The following DENND1A variants were observed in gnomAD, a reference collection of about 807,000 sequenced individuals.
DENND1A encodes DENN domain containing 1A.
In DENND1A, 51 loss-of-function variants were observed where a neutral mutation model predicts 113.7. That is an observed-to-expected ratio of 0.45 (90% CI 0.36 to 0.57). The LOEUF (loss-of-function observed/expected upper bound fraction) is 0.57. Ranked by LOEUF, DENND1A falls within the 20% of genes least tolerant of loss-of-function variation. The pLI is 0.00. For synonymous variants in DENND1A, 565 were observed against 570.8 expected, an observed-to-expected ratio of 0.99 and a Z score of 0.14; for missense variants, 1,258 against 1,395.9, an observed-to-expected ratio of 0.90 and a Z score of 1.57.
chr9:123,722,531 A>T (rs1041857854), intron 5 of DENND1A, among the ~76,000 whole-genome samples: 1 of 152,156 alleles, frequency 6.6e-6, no homozygotes, highest in Non-Finnish European at 1.5e-5. Flanking sequence ...TTAGGAGGAA[A>T]AAATGGTTTC....
intron 9 of DENND1A, among the ~76,000 whole-genome samples, chr9:123,637,943 ACACACACG>A (rs1379282000): frequency 1.1e-4 from 4 of 35,686 alleles, no homozygotes; most frequent in Non-Finnish European, 1.1e-4. Flanking sequence ...GCACACACAC[ACACACACG>A]CGCACACACA....
intron 8 of DENND1A, among the ~76,000 whole-genome samples, 196 bp downstream of exon 8, chr9:123,666,830 C>G (rs528951981): frequency 6.6e-6 from 1 of 152,266 alleles, no homozygotes; most frequent in South Asian, 2.1e-4. Flanking sequence ...ACTTTCTATA[C>G]TTTGCAAATA....
intron 1 of DENND1A, among the ~76,000 whole-genome samples, chr9:123,900,406 T>C (rs1851423371): frequency 6.6e-6 from 1 of 152,124 alleles, no homozygotes; most frequent in Non-Finnish European, 1.5e-5. Flanking sequence ...CCACACACTA[T>C]GAGAAAGACA....
intron 6 of DENND1A, among the ~76,000 whole-genome samples, chr9:123,672,887 T>C (rs1485555805): frequency 6.6e-6 from 1 of 152,248 alleles, no homozygotes; most frequent in Non-Finnish European, 1.5e-5. Flanking sequence ...AAATTAACAC[T>C]GATGCAGAAT....
intron 5 of DENND1A, among the ~76,000 whole-genome samples, chr9:123,742,276 A>G (rs1164374610): frequency 6.6e-6 from 1 of 152,050 alleles, no homozygotes; most frequent in Non-Finnish European, 1.5e-5. Context: ...GGAGCTGGCA[A>G]CTTTCACTGA....
chr9:123,413,616 CCTGGCGGCACATGGAGAACA>C, intron 19 of DENND1A: 1 of 985,478 alleles, frequency 1.0e-6, no homozygotes, highest in Non-Finnish European at 1.2e-6. Context: ...TGGAGGGTTC[CCTGGCGGCACATGGAGAACA>C]CGATGGGATA....
chr9:123,698,771 T>C lies in DENND1A; in HGVS notation c.303-21982A>G, dbSNP rs1322402052. On this transcript the variant is annotated intron_variant, in intron 5 of 23. Coordinates refer to ENST00000394215, the MANE Select transcript of DENND1A (RefSeq NM_001352964.2). ...GCAACCAAAAGAACAGCTTGGCAGT[T>C]TGTGCACTGCTTTGCCCTGCGTACT... Among the ~76,000 whole-genome samples, 9 of 152,336 alleles carry C rather than the reference T, an allele frequency of 5.9e-5. No individual in the cohort carries two copies. The South Asian group carries it at 1.2e-3, about 21-fold the overall frequency.
intron 12 of DENND1A, among the ~76,000 whole-genome samples, chr9:123,561,849 A>T (rs1205090959): frequency 6.6e-6 from 1 of 152,146 alleles, no homozygotes; most frequent in African/African-American, 2.4e-5. Context: ...GTCAGATGTC[A>T]GATTCCCTAC....
intron 2 of DENND1A, among the ~76,000 whole-genome samples, chr9:123,840,695 A>AT (rs1453952380): frequency 4.6e-5 from 7 of 151,846 alleles, no homozygotes; most frequent in African/African-American, 1.5e-4. Context: ...CATATGCTGT[A>AT]TTTTTTTTCC....
intron 2 of DENND1A, among the ~76,000 whole-genome samples, chr9:123,850,421 G>A (rs1013577746): frequency 7.9e-5 from 12 of 152,158 alleles, no homozygotes; most frequent in Admixed American, 2.6e-4. Flanking sequence ...TAAACATAAT[G>A]CTATTATACA....
intron 12 of DENND1A, among the ~76,000 whole-genome samples, chr9:123,573,787 A>T (rs181547605): frequency 1.3e-5 from 2 of 152,022 alleles, no homozygotes; most frequent in Non-Finnish European, 2.9e-5. Context: ...AACTGGTGGG[A>T]ACCTCCAGTA....
intron 2 of DENND1A, among the ~76,000 whole-genome samples, chr9:123,805,765 C>T (rs1374833678): frequency 6.6e-6 from 1 of 152,112 alleles, no homozygotes; most frequent in Admixed American, 6.6e-5. Context: ...GTGCATTAAA[C>T]AAAGTTTGTA....
At chr9:123,542,789 C>CCTGGCCT (rs1449824559) in intron 13 of DENND1A, among the ~76,000 whole-genome samples, 1 of 152,124 alleles carries the variant, frequency 6.6e-6, no homozygotes, top group East Asian at 1.9e-4. Context: ...GTCAAGTGAC[C>CCTGGCCT]CTGGCCTCTG....
chr9:123,679,266 G>A (rs1480146221), intron 5 of DENND1A, among the ~76,000 whole-genome samples: 1 of 152,184 alleles, frequency 6.6e-6, no homozygotes, highest in Non-Finnish European at 1.5e-5. Context: ...GGATGAGTAG[G>A]TTCAACTGAC....
At chr9:123,675,018 C>G (rs775364950) in intron 6 of DENND1A, among the ~76,000 whole-genome samples, 1 of 152,178 alleles carries the variant, frequency 6.6e-6, no homozygotes, top group Non-Finnish European at 1.5e-5. Context: ...AATAGATGAA[C>G]AGACCCAAGG....
intron 2 of DENND1A, among the ~76,000 whole-genome samples, chr9:123,814,014 T>A (rs1373449443): frequency 6.6e-6 from 1 of 152,232 alleles, no homozygotes; most frequent in Admixed American, 6.5e-5. Flanking sequence ...AAAATTATTT[T>A]ACTGATATAA....
chr9:123,805,846 A>G (rs1370921465), intron 2 of DENND1A, among the ~76,000 whole-genome samples: 2 of 152,250 alleles, frequency 1.3e-5, no homozygotes, highest in East Asian at 3.8e-4. Context: ...GTTTGGCATC[A>G]CCATCATTCC....
At chr9:123,744,254 GATCAC>G (rs1281883258) in intron 5 of DENND1A, among the ~76,000 whole-genome samples, 1 of 152,134 alleles carries the variant, frequency 6.6e-6, no homozygotes, top group African/African-American at 2.4e-5. Context: ...ACAAAATGGA[GATCAC>G]ATCACATATA....
chr9:123,826,177 G>T (rs1430211979), intron 2 of DENND1A, among the ~76,000 whole-genome samples: 2 of 152,140 alleles, frequency 1.3e-5, no homozygotes, highest in African/African-American at 4.8e-5. Flanking sequence ...TCCTTGATGT[G>T]AACTATGGAC....
Sources: allele counts gnomAD v4.1 joint callset (sites outside exome capture counted in the v4.1 genomes callset), GRCh38; gene constraint gnomAD v4.1.1; transcripts MANE v1.5; gene names NCBI Gene and HGNC (gene_info 2026-07-23, HGNC 2026-07-21).